The following MCF2L2 variants were observed in gnomAD, a reference collection of about 807,000 sequenced individuals.
MCF2L2 encodes the protein probable guanine nucleotide exchange factor MCF2L2.
Under a neutral mutation model 150.2 loss-of-function variants are expected in MCF2L2, and 102 were observed. The observed-to-expected ratio is 0.68, with a 90% CI of 0.58 to 0.80. The LOEUF is 0.80. MCF2L2 is among the 30% of genes least tolerant of loss of function. MCF2L2 has a pLI of 0.00. For synonymous variants in MCF2L2, 465 were observed against 491.3 expected (o/e 0.95, Z 0.71); for missense variants, 1,256 against 1,372.8 (o/e 0.91, Z 1.34).
chr3:183,385,038 A>T (rs546977003), intron 2 of MCF2L2, among the ~76,000 whole-genome samples: 11 of 152,352 alleles, frequency 7.2e-5, no homozygotes, highest in African/African-American at 2.6e-4. Context: ...AAATGGAACC[A>T]GTCCAAATTG....
intron 5 of MCF2L2, among the ~76,000 whole-genome samples, chr3:183,333,198 C>A (rs1386601330): frequency 6.6e-6 from 1 of 152,078 alleles, no homozygotes; most frequent in Non-Finnish European, 1.5e-5. Flanking sequence ...AGGCATATGC[C>A]ACCATGCCTG....
intron 10 of MCF2L2, among the ~76,000 whole-genome samples, chr3:183,307,047 G>A (rs1373116595): frequency 6.6e-6 from 1 of 152,224 alleles, no homozygotes; most frequent in East Asian, 1.9e-4. Flanking sequence ...ACCCTCAAAC[G>A]AGAACAAGAT....
At chr3:183,359,023 T>C (rs1480394404) in intron 3 of MCF2L2, among the ~76,000 whole-genome samples, 1 of 151,102 alleles carries the variant, frequency 6.6e-6, no homozygotes, top group African/African-American at 2.5e-5. Flanking sequence ...TTTTTCTGTT[T>C]TTCTTAAATT....
chr3:183,228,650 G>C (rs1368701179), intron 17 of MCF2L2, among the ~76,000 whole-genome samples: 1 of 152,204 alleles, frequency 6.6e-6, no homozygotes, highest in Non-Finnish European at 1.5e-5. Flanking sequence ...TTGGGAAAGA[G>C]AGGAGAAATG....
chr3:183,411,947 A>G (rs1384338954), intron 1 of MCF2L2, among the ~76,000 whole-genome samples: 1 of 152,224 alleles, frequency 6.6e-6, no homozygotes, highest in Non-Finnish European at 1.5e-5. Flanking sequence ...GGACAATGCT[A>G]TGACGAAGGA....
intron 1 of MCF2L2, among the ~76,000 whole-genome samples, chr3:183,419,950 A>G (rs191164672): frequency 6.6e-6 from 1 of 152,360 alleles, no homozygotes; most frequent in African/African-American, 2.4e-5. Flanking sequence ...TCTCAAGTTC[A>G]AAGTTCTACA....
chr3:183,297,864 A>C (rs916157778), intron 11 of MCF2L2: 1 of 152,212 alleles, frequency 6.6e-6, no homozygotes, highest in South Asian at 2.1e-4. Context: ...TGGTCTAACC[A>C]TAGAGAAATG....
chr3:183,411,955 G>A (rs532372762), intron 1 of MCF2L2, among the ~76,000 whole-genome samples: 1 of 152,268 alleles, frequency 6.6e-6, no homozygotes, highest in African/African-American at 2.4e-5. Flanking sequence ...CTATGACGAA[G>A]GAAAGCTGTG....
chr3:183,377,099 T>G (rs1281518380), intron 3 of MCF2L2: 1 of 152,226 alleles, frequency 6.6e-6, no homozygotes, highest in African/African-American at 2.4e-5. Flanking sequence ...TAGGTATACA[T>G]GTGCCACAGT....
intron 3 of MCF2L2, among the ~76,000 whole-genome samples, chr3:183,344,147 C>A (rs924462568): frequency 1.2e-4 from 18 of 151,794 alleles, no homozygotes; most frequent in Admixed American, 2.0e-4. Context: ...CCACCCCCCC[C>A]AAAAAAAGTA....
chr3:183,216,257 C>T (rs1211562314), intron 21 of MCF2L2, among the ~76,000 whole-genome samples, 163 bp from the exon 22 acceptor site: 1 of 151,648 alleles, frequency 6.6e-6, no homozygotes, highest in African/African-American at 2.4e-5. Flanking sequence ...GCTAAAGATG[C>T]TTACTGATTT....
intron 15 of MCF2L2, among the ~76,000 whole-genome samples, chr3:183,276,334 C>T (rs16857240): frequency 3.9e-5 from 6 of 152,124 alleles, no homozygotes; most frequent in African/African-American, 1.4e-4. Context: ...TACAAGTCAA[C>T]CAGCGTGGGT....
chr3:183,362,773 A>T (rs1343853750), intron 3 of MCF2L2, among the ~76,000 whole-genome samples: 2 of 152,150 alleles, frequency 1.3e-5, no homozygotes, highest in African/African-American at 4.8e-5. Flanking sequence ...TGTCAATTAA[A>T]CGCAAGATGC....
intron 15 of MCF2L2, among the ~76,000 whole-genome samples, chr3:183,248,680 T>TA (rs1259222749): frequency 1.3e-5 from 2 of 151,550 alleles, no homozygotes; most frequent in African/African-American, 4.9e-5. Flanking sequence ...CTACTAAAAA[T>TA]AAAAAAAATT....
intron 5 of MCF2L2, among the ~76,000 whole-genome samples, chr3:183,330,279 G>C: frequency 6.8e-6 from 1 of 147,696 alleles, no homozygotes; most frequent in Non-Finnish European, 1.5e-5. Flanking sequence ...AGAAAAAAAG[G>C]AAAGGAAAAG....
chr3:183,302,105 T>C (rs1728880319), intron 10 of MCF2L2, among the ~76,000 whole-genome samples: 1 of 152,168 alleles, frequency 6.6e-6, no homozygotes, highest in Non-Finnish European at 1.5e-5. Context: ...AGACAACATT[T>C]CACACATGTT....
chr3:183,397,549 C>T (rs1373157357), intron 1 of MCF2L2, among the ~76,000 whole-genome samples: 1 of 152,098 alleles, frequency 6.6e-6, no homozygotes, highest in Non-Finnish European at 1.5e-5. Flanking sequence ...TTTTGGAGGG[C>T]CACATACATT....
chr3:183,270,745 A>G lies in MCF2L2; in HGVS notation c.1862+6127T>C, dbSNP rs541964801. 5 of 1,613,730 alleles carry G rather than the reference A, an allele frequency of 3.1e-6. No homozygotes were observed. The highest frequency in any genetic ancestry group is 1.3e-5 in the African/African-American group (1 of 74,960). On this transcript the variant is annotated intron_variant, in intron 15 of 29. Transcript: ENST00000328913. The surrounding 1 kb of genome is among the most constrained non-coding windows in gnomAD (Gnocchi z 4.5). ...AAAACTCCTTATCATCCCTGCATCT[A>G]TGAAAAAATGATGACATCTCATGGA... is the stretch of plus-strand genomic sequence containing the variant.
rs775950592 is a variant in MCF2L2 at position 183,389,496 on chromosome 3, G to A, written c.160+200C>T. On this transcript the variant is annotated intron_variant, in intron 2 of 29. Transcript: ENST00000328913. ...GTGCTCCTTTGGGAAAGATCAGATT[G>A]CACCAAACAGCAAAGGGAATAATAT... Among the ~76,000 whole-genome samples the A allele has an allele frequency of 3.9e-5, 6 of 152,144 alleles. No homozygotes were observed. In the South Asian group the frequency reaches 8.3e-4, roughly 21 times the overall value.
Sources: gnomAD v4.1 joint callset for allele counts (sites outside exome capture counted in the v4.1 genomes callset) on GRCh38, gnomAD v4.1.1 for gene constraint, Gnocchi (gnomAD v3.1) non-coding constraint, MANE v1.5 for transcripts, NCBI Gene and HGNC (gene_info 2026-07-23, HGNC 2026-07-21) for gene names.